STK3: variants seen among roughly 807,000 people sequenced by gnomAD.
The protein encoded by STK3 is serine/threonine-protein kinase 3.
STK3 carries 41 observed loss-of-function variants against 58.0 expected under a neutral mutation model. That is an observed-to-expected ratio of 0.71 (90% CI 0.55 to 0.92). STK3 has a LOEUF of 0.92. Among genes scored for constraint, STK3 ranks in the 40% least tolerant of loss-of-function variants. STK3 has a pLI of 0.00. For missense variants in STK3, 479 were observed against 602.7 expected, an observed-to-expected ratio of 0.79 and a Z score of 2.15; for synonymous variants, 170 against 191.0, an observed-to-expected ratio of 0.89 and a Z score of 0.91.
At chr8:98,350,518 G>A in the STK3 span, among the ~76,000 whole-genome samples, 4 of 152,072 alleles carry the variant, frequency 2.6e-5, no homozygotes, top group Non-Finnish European at 5.9e-5. Flanking sequence ...CCACTCTACT[G>A]GTACCAATTT....
intron 1 of STK3, among the ~76,000 whole-genome samples, chr8:98,820,665 T>C (rs1423079000): frequency 6.6e-6 from 1 of 152,172 alleles, no homozygotes; most frequent in African/African-American, 2.4e-5. Context: ...TTCTCTCAGC[T>C]AGCAGTTCCC....
chr8:98,790,642 A>G (rs1638508643), intron 1 of STK3, among the ~76,000 whole-genome samples: 2 of 152,224 alleles, frequency 1.3e-5, no homozygotes, highest in African/African-American at 4.8e-5. Context: ...CTCCTCTTCA[A>G]CATAGTACTG....
chr8:98,677,643 T>C (rs1003033691), intron 6 of STK3, among the ~76,000 whole-genome samples: 7 of 152,046 alleles, frequency 4.6e-5, no homozygotes, highest in East Asian at 1.9e-4. Flanking sequence ...CACAACCTCC[T>C]TAAAACTATT....
intron 6 of STK3, among the ~76,000 whole-genome samples, chr8:98,645,374 T>G (rs891394474): frequency 9.2e-5 from 14 of 152,268 alleles, no homozygotes; most frequent in Non-Finnish European, 1.8e-4. Flanking sequence ...CAAACCTGGA[T>G]CTCTGACTTA....
chr8:98,748,704 C>T (rs1346678790), intron 4 of STK3, among the ~76,000 whole-genome samples: 4 of 151,950 alleles, frequency 2.6e-5, no homozygotes, highest in Non-Finnish European at 5.9e-5. Context: ...AATAGCACTT[C>T]TAGTTAGAGT....
chr8:98,584,358 T>C (rs1181383236), intron 7 of STK3, among the ~76,000 whole-genome samples: 3 of 151,956 alleles, frequency 2.0e-5, no homozygotes, highest in Non-Finnish European at 4.4e-5. Context: ...GTTTGGTTTT[T>C]TGTTCTTGCG....
At chr8:98,882,358 T>A (rs919627321), downstream of STK3, 1 of 151,926 alleles carries the variant, frequency 6.6e-6, no homozygotes, top group African/African-American at 2.4e-5. Context: ...TAAAAAATAA[T>A]CAATATTTAC....
chr8:98,670,793 T>C (rs1218502144), intron 6 of STK3, among the ~76,000 whole-genome samples: 2 of 152,178 alleles, frequency 1.3e-5, no homozygotes, highest in Admixed American at 6.5e-5. Context: ...GAGACCACCT[T>C]CCTGTCCCCT....
At chr8:98,580,550 T>C (rs1311555381) in intron 7 of STK3, among the ~76,000 whole-genome samples, 1 of 152,236 alleles carries the variant, frequency 6.6e-6, no homozygotes, top group East Asian at 1.9e-4. Flanking sequence ...TTCAGTAATT[T>C]TCATAGTTAC....
chr8:98,612,309 C>A (rs1257302846), intron 6 of STK3, among the ~76,000 whole-genome samples: 1 of 150,310 alleles, frequency 6.7e-6, no homozygotes, highest in African/African-American at 2.4e-5. Context: ...ATAATCCCAG[C>A]CACTTGGGAA....
At chr8:98,756,814 A>C (rs1460776316) in intron 3 of STK3, among the ~76,000 whole-genome samples, 1 of 152,148 alleles carries the variant, frequency 6.6e-6, no homozygotes, top group Non-Finnish European at 1.5e-5. Flanking sequence ...CTAAAGCCCA[A>C]ACCTCCAACC....
chr8:98,651,129 C>A (rs1820883685), intron 6 of STK3, among the ~76,000 whole-genome samples: 1 of 152,236 alleles, frequency 6.6e-6, no homozygotes, highest in Non-Finnish European at 1.5e-5. Flanking sequence ...CGGCCGGGTA[C>A]TCCTCTGAGA....
intron 1 of STK3, among the ~76,000 whole-genome samples, chr8:98,915,470 A>ATATATATATATATATAT (rs1839314010): frequency 1.5e-5 from 2 of 136,160 alleles, no homozygotes; most frequent in Admixed American, 7.4e-5. Context: ...ATATATATAT[A>ATATATATATATATATAT]GTTCTGTCCT....
chr8:98,355,101 A>G, the STK3 span, among the ~76,000 whole-genome samples: 1 of 152,190 alleles, frequency 6.6e-6, no homozygotes, highest in South Asian at 2.1e-4. Context: ...GTATTTCAAT[A>G]GGAATCTTCC....
At chr8:98,862,810 A>G (rs1416398575) in intron 3 of STK3, among the ~76,000 whole-genome samples, 2 of 152,234 alleles carry the variant, frequency 1.3e-5, no homozygotes, top group Admixed American at 6.5e-5. Context: ...TCTTAGTTCT[A>G]TTAATAAACC....
chr8:98,388,297 C>G (rs553717475), upstream of STK3: 1 of 152,190 alleles, frequency 6.6e-6, no homozygotes, highest in Non-Finnish European at 1.5e-5. Flanking sequence ...ATATTGTAGC[C>G]CCCACTGTTA....
Position 98,774,782 on chromosome 8 carries a change from G to A in STK3, c.64C>T (p.Gln22Ter). The A allele has an allele frequency of 6.3e-7, 1 of 1,584,394 alleles. No individual in the cohort carries two copies. The highest frequency in any genetic ancestry group is 1.8e-5 in the Admixed American group (1 of 56,142). ...AATACATCAAAAACTTCTTCAGGCTGCTTAGTCAAACTGTCTTCACTCAGC... is the reference window on the plus strand; with the variant it reads ...AATACATCAAAAACTTCTTCAGGCTACTTAGTCAAACTGTCTTCACTCAGC... ...KKLSEDSLTKQPEEVFDVLEK... is the reference protein window; with the variant it reads ...KKLSEDSLTK Residue 22 changes from glutamine to a stop codon, truncating the protein, a stop_gained, in exon 2 of 11, where the codon CAG becomes TAG. Coordinates refer to ENST00000419617, the MANE Select transcript of STK3 (RefSeq NM_006281.4). LOFTEE classifies it high-confidence loss of function.
At chr8:98,548,684 C>G (rs1050941763) in intron 8 of STK3, among the ~76,000 whole-genome samples, 1 of 152,044 alleles carries the variant, frequency 6.6e-6, no homozygotes, top group Non-Finnish European at 1.5e-5. Context: ...CAATGTTGTG[C>G]AACCACCACC....
At chr8:98,348,788 C>A in the STK3 span, among the ~76,000 whole-genome samples, 1 of 152,214 alleles carries the variant, frequency 6.6e-6, no homozygotes, top group African/African-American at 2.4e-5. Flanking sequence ...GCAACAAGTA[C>A]TCTCATTCAT....
Sources: allele counts gnomAD v4.1 joint callset (sites outside exome capture counted in the v4.1 genomes callset), GRCh38; gene constraint gnomAD v4.1.1; transcripts MANE v1.5; gene names NCBI Gene and HGNC (gene_info 2026-07-23, HGNC 2026-07-21).